ABCC1: variants seen among roughly 807,000 people sequenced by gnomAD.
ABCC1 encodes ATP binding cassette subfamily C member 1 (ABCC1 blood group).
ABCC1 carries 83 observed loss-of-function variants against 172.9 expected under a neutral mutation model. That is an observed-to-expected ratio of 0.48 (90% CI 0.40 to 0.58). The LOEUF (loss-of-function observed/expected upper bound fraction) is 0.58, where lower values mean the gene tolerates loss of function less well. Ranked by LOEUF, ABCC1 falls within the 20% of genes least tolerant of loss-of-function variation. The pLI, the probability that ABCC1 is intolerant of heterozygous loss-of-function variation, is 0.00. For missense variants in ABCC1, 1,817 were observed against 2,002.7 expected, an observed-to-expected ratio of 0.91 and a Z score of 1.77; for synonymous variants, 937 against 825.2, an observed-to-expected ratio of 1.14 and a Z score of -2.32.
At chr16:16,024,443 C>T (rs530323909) in intron 5 of ABCC1, among the ~76,000 whole-genome samples, 12 of 152,220 alleles carry the variant, frequency 7.9e-5, no homozygotes, top group Admixed American at 1.3e-4. Flanking sequence ...CCTCCACCTC[C>T]GGGGCTCAAG....
intron 15 of ABCC1, 87 bp from the exon 16 acceptor site, chr16:16,079,265 G>T: frequency 1.9e-6 from 3 of 1,557,628 alleles, no homozygotes; most frequent in Non-Finnish European, 2.6e-6. Context: ...TTCTCTACTT[G>T]GGGTAAATTG....
intron 1 of ABCC1, among the ~76,000 whole-genome samples, chr16:16,007,217 T>C (rs2047576464): frequency 6.8e-6 from 1 of 146,296 alleles, no homozygotes; most frequent in South Asian, 2.2e-4. Flanking sequence ...TGCACTGTTG[T>C]GTGTGTGTGT....
At chr16:15,996,323 T>C (rs554383143) in intron 1 of ABCC1, among the ~76,000 whole-genome samples, 17 of 152,144 alleles carry the variant, frequency 1.1e-4, no homozygotes, top group Non-Finnish European at 2.2e-4. Context: ...ACAGTCTCAC[T>C]GTGTTGCCCA....
At chr16:16,053,407 T>C (rs45512591) in intron 11 of ABCC1, among the ~76,000 whole-genome samples, 43,522 of 151,866 alleles carry the variant, frequency 0.29, 6,506 homozygotes, top group African/African-American at 0.37. Context: ...GTGTGAGCCA[T>C]CATGCCCGGC....
intron 1 of ABCC1, among the ~76,000 whole-genome samples, chr16:16,005,018 A>G (rs1309029424): frequency 9.6e-6 from 1 of 104,670 alleles, no homozygotes; most frequent in Non-Finnish European, 2.4e-5. Context: ...TCAGATTGAC[A>G]CTTTTTTTTT....
At chr16:16,078,350 C>T (rs2050668511) in intron 15 of ABCC1, among the ~76,000 whole-genome samples, 1 of 152,172 alleles carries the variant, frequency 6.6e-6, no homozygotes, top group African/African-American at 2.4e-5. Flanking sequence ...GCCGGTCTTA[C>T]TGGGTGAATG....
chr16:16,121,641 T>G (rs952778064), intron 23 of ABCC1, among the ~76,000 whole-genome samples: 1 of 152,198 alleles, frequency 6.6e-6, no homozygotes, highest in African/African-American at 2.4e-5. Context: ...AACTAGCTTC[T>G]TTGTGCCTTA....
At chr16:16,026,458 C>G (rs1415306040) in intron 5 of ABCC1, among the ~76,000 whole-genome samples, 21 of 52,600 alleles carry the variant, frequency 4.0e-4, no homozygotes, top group East Asian at 1.1e-3. Flanking sequence ...AAAAAAAAGG[C>G]TATTTCCTTT....
At chr16:15,955,106 G>A (rs890625380) in intron 1 of ABCC1, among the ~76,000 whole-genome samples, 2 of 152,104 alleles carry the variant, frequency 1.3e-5, no homozygotes, top group Non-Finnish European at 2.9e-5. Flanking sequence ...CTGTAATCCT[G>A]GCACTTCGGG....
At chr16:16,133,040 G>A (rs992776191) in intron 27 of ABCC1, among the ~76,000 whole-genome samples, 4 of 152,060 alleles carry the variant, frequency 2.6e-5, no homozygotes, top group Non-Finnish European at 4.4e-5. Flanking sequence ...ATTAGAATTT[G>A]TGATCTCTAG....
chr16:16,016,392 G>A (rs555370898), intron 4 of ABCC1, 104 bp from the exon 5 acceptor site: 13 of 1,422,608 alleles, frequency 9.1e-6, no homozygotes, highest in East Asian at 4.6e-5. Context: ...GACCTCAGGT[G>A]TTCTGCCTGT....
chr16:16,048,029 G>A, intron 9 of ABCC1, 113 bp from the exon 10 acceptor site: 1 of 1,334,412 alleles, frequency 7.5e-7, no homozygotes, highest in Non-Finnish European at 1.1e-6. Context: ...GAGGAGGAGA[G>A]ATCTGCGGCA....
At position 16,046,593 on chromosome 16, in the gene ABCC1, C is replaced by T. The variant is rs1006095961; in HGVS notation, c.1218+580C>T. ...CTGCTGACCTCAGGTGATCCGCCTG[C>T]CTCAGCCTCCCAAAGTGCTGGGATT... On this transcript the variant is annotated intron_variant, in intron 9 of 30. Coordinates refer to ENST00000399410, the MANE Select transcript of ABCC1 (RefSeq NM_004996.4). Among the ~76,000 whole-genome samples, 5 of 152,160 alleles carry T rather than the reference C, an allele frequency of 3.3e-5. No homozygotes were observed. The East Asian group carries it at 7.7e-4, about 23-fold the overall frequency.
chr16:16,076,307 A>G lies in ABCC1; in HGVS notation c.1913-19A>G. 3 of 1,612,226 alleles carry G rather than the reference A, an allele frequency of 1.9e-6. No homozygotes were observed. Among genetic ancestry groups the G allele is most frequent in the Non-Finnish European group, 2.5e-6 (3 of 1,179,006 alleles). On this transcript the variant is annotated intron_variant, in intron 14 of 30. Coordinates refer to ENST00000399410, the MANE Select transcript of ABCC1 (RefSeq NM_004996.4). ...TCGCACAGCTCAGCCTGTCCCTGACATGTCTCTGTGCTTTGTAGGCGGGGG... is the reference window on the plus strand; with the variant it reads ...TCGCACAGCTCAGCCTGTCCCTGACGTGTCTCTGTGCTTTGTAGGCGGGGG...
chr16:16,036,069 A>C (rs561673234), intron 6 of ABCC1, among the ~76,000 whole-genome samples: 326 of 152,178 alleles, frequency 2.1e-3, no homozygotes, highest in Middle Eastern at 0.01. Context: ...GGCTGCAGGG[A>C]GCTGCGATCG....
intron 1 of ABCC1, among the ~76,000 whole-genome samples, chr16:15,997,063 G>T (rs944296299): frequency 4.0e-5 from 6 of 151,652 alleles, no homozygotes; most frequent in African/African-American, 1.5e-4. Context: ...GTTGGAGGGA[G>T]CCGGGAGCTG....
intron 5 of ABCC1, among the ~76,000 whole-genome samples, chr16:16,018,001 G>A (rs2048065179): frequency 6.6e-6 from 1 of 152,204 alleles, no homozygotes; most frequent in South Asian, 2.1e-4. Context: ...CAGCCCCCTT[G>A]TGAGCCAGAT....
chr16:16,124,999 C>A, intron 25 of ABCC1, 84 bp downstream of exon 25: 1 of 1,588,678 alleles, frequency 6.3e-7, no homozygotes, highest in Non-Finnish European at 8.6e-7. Context: ...CCAGCTCCAA[C>A]AGGAATGGGG....
intron 1 of ABCC1, among the ~76,000 whole-genome samples, chr16:15,992,856 A>G (rs1476342790): frequency 2.6e-5 from 4 of 152,172 alleles, no homozygotes; most frequent in South Asian, 2.1e-4. Context: ...CTCCCGCCCA[A>G]TCTTGGGTCC....
Sources: gnomAD v4.1 joint callset for allele counts (sites outside exome capture counted in the v4.1 genomes callset) on GRCh38, gnomAD v4.1.1 for gene constraint, MANE v1.5 for transcripts, NCBI Gene and HGNC (gene_info 2026-07-23, HGNC 2026-07-21) for gene names.